NBEA: variants seen among roughly 807,000 people sequenced by gnomAD.
NBEA encodes the protein neurobeachin.
A neutral mutation model predicts 343.4 loss-of-function variants in NBEA; 44 were observed. That is an observed-to-expected ratio of 0.13 (90% CI 0.10 to 0.16). The LOEUF is 0.16. NBEA is among the 10% of genes least tolerant of loss of function. The probability of loss-of-function intolerance (pLI) is 1.00; values close to 1 mark genes in which losing one functional copy is unlikely to be tolerated. For missense variants in NBEA, 2,555 were observed against 3,631.3 expected (o/e 0.70, Z 7.62); for synonymous variants, 1,175 against 1,238.7 (o/e 0.95, Z 1.08).
intron 35 of NBEA, among the ~76,000 whole-genome samples, chr13:35,291,639 T>C (rs2035807109): frequency 6.6e-6 from 1 of 151,936 alleles, no homozygotes. Context: ...AAAATGCGTT[T>C]ATGGAAAAAT....
At chr13:35,376,298 G>A (rs1462527036) in intron 38 of NBEA, among the ~76,000 whole-genome samples, 1 of 152,042 alleles carries the variant, frequency 6.6e-6, no homozygotes, top group Non-Finnish European at 1.5e-5. Context: ...ATTCTGGAGT[G>A]AAAGCCTTCA....
chr13:35,599,172 G>A (rs1395853468), intron 47 of NBEA, among the ~76,000 whole-genome samples: 1 of 152,016 alleles, frequency 6.6e-6, no homozygotes. Flanking sequence ...ACCCCACCAG[G>A]CTCCTCACCA....
chr13:35,290,290 A>G, intron 34 of NBEA, 99 bp from the exon 35 acceptor site: 2 of 743,432 alleles, frequency 2.7e-6, no homozygotes, highest in South Asian at 3.5e-5. Flanking sequence ...TATTTAAAAG[A>G]AAGTTTTTTT....
chr13:35,445,591 A>C (rs923129230), intron 39 of NBEA, among the ~76,000 whole-genome samples: 2 of 151,698 alleles, frequency 1.3e-5, no homozygotes, highest in African/African-American at 4.8e-5. Context: ...AGTACATGAA[A>C]AGTAACTTAA....
At chr13:35,541,123 A>AATTTT (rs1421677772) in intron 41 of NBEA, among the ~76,000 whole-genome samples, 1 of 151,756 alleles carries the variant, frequency 6.6e-6, no homozygotes, top group Non-Finnish European at 1.5e-5. Context: ...TTGTTGTTCT[A>AATTTT]ATTTTATTTT....
In NBEA at chr13:35,355,487, C is replaced by T. The variant is rs1003890406; in HGVS notation, c.6179+3164C>T. 2.0e-4 allele frequency among the ~76,000 whole-genome samples: 30 copies of T among 152,240 alleles called. 1 individual carries two copies. Among genetic ancestry groups the T allele is most frequent in the African/African-American group, 6.5e-4 (27 of 41,568 alleles). ...TTGCACTAGCCAAATTTCAAGTACTCGGTAGCCACATGTGGCTGGTGGCTA... is the reference window on the plus strand; with the variant it reads ...TTGCACTAGCCAAATTTCAAGTACTTGGTAGCCACATGTGGCTGGTGGCTA... On this transcript the variant is annotated intron_variant, in intron 38 of 58. Transcript: ENST00000379939.
intron 23 of NBEA, among the ~76,000 whole-genome samples, chr13:35,163,391 C>T (rs907556004): frequency 6.6e-6 from 1 of 151,888 alleles, no homozygotes; most frequent in African/African-American, 2.4e-5. Flanking sequence ...TGGTGGCTCA[C>T]ACCTATAATC....
chr13:35,446,429 A>C (rs1354319264), intron 39 of NBEA, among the ~76,000 whole-genome samples: 3 of 152,190 alleles, frequency 2.0e-5, no homozygotes, highest in African/African-American at 7.2e-5. Context: ...TTACAGTCCC[A>C]CCAACAGTGT....
At position 35,211,183 on chromosome 13, in the gene NBEA, T is replaced by A; in HGVS notation, c.5648+4T>A. ...AAGATTCAGCTGAAAATATGAGGTA[T>A]GCATGACTACTTTTTATTCATTTTA... On this transcript the variant is annotated splice_donor_region_variant and intron_variant, in intron 33 of 58. Transcript: ENST00000379939. 1 of 1,548,358 alleles carries A rather than the reference T, an allele frequency of 6.5e-7. No homozygotes were observed. Among genetic ancestry groups the A allele is most frequent in the Non-Finnish European group, 8.7e-7 (1 of 1,145,780 alleles).
intron 27 of NBEA, among the ~76,000 whole-genome samples, chr13:35,175,769 G>C (rs768304085): frequency 6.6e-5 from 10 of 151,950 alleles, no homozygotes; most frequent in Non-Finnish European, 1.2e-4. Context: ...GACATTTTAG[G>C]AAGTAAATCG....
intron 41 of NBEA, among the ~76,000 whole-genome samples, chr13:35,516,118 T>A (rs2077477144): frequency 6.6e-6 from 1 of 152,148 alleles, no homozygotes; most frequent in Admixed American, 6.5e-5. Context: ...AGTAGAAAAA[T>A]AAAATGATCA....
chr13:34,961,141 G>A (rs1376062995), intron 1 of NBEA, among the ~76,000 whole-genome samples: 1 of 152,036 alleles, frequency 6.6e-6, no homozygotes, highest in Non-Finnish European at 1.5e-5. Context: ...TTTATTATCT[G>A]TGTATGTAAA....
At chr13:35,601,761 C>CAAAAAAAAAAAAAAAAAAA (rs869213180) in intron 47 of NBEA, among the ~76,000 whole-genome samples, 2 of 114,932 alleles carry the variant, frequency 1.7e-5, no homozygotes, top group African/African-American at 7.3e-5. Flanking sequence ...GACTCCATCG[C>CAAAAAAAAAAAAAAAAAAA]AAAAAAAAAA....
intron 4 of NBEA, among the ~76,000 whole-genome samples, chr13:35,046,441 T>G (rs1408570083): frequency 6.6e-6 from 1 of 152,122 alleles, no homozygotes; most frequent in Admixed American, 6.6e-5. Context: ...ACATTTTCAG[T>G]CTTTTAAATT....
At chr13:35,342,116 A>G (rs560754014) in intron 36 of NBEA, among the ~76,000 whole-genome samples, 1 of 152,226 alleles carries the variant, frequency 6.6e-6, no homozygotes, top group African/African-American at 2.4e-5. Context: ...CACATATTGT[A>G]TGATTCCATT....
chr13:35,546,330 T>C (rs1394233522), intron 41 of NBEA, among the ~76,000 whole-genome samples: 1 of 151,988 alleles, frequency 6.6e-6, no homozygotes, highest in Non-Finnish European at 1.5e-5. Flanking sequence ...CTGGTTTTGG[T>C]GGCACACGCC....
chr13:35,312,046 C>T (rs988287879), intron 36 of NBEA, among the ~76,000 whole-genome samples: 1 of 152,116 alleles, frequency 6.6e-6, no homozygotes. Flanking sequence ...ATGAGTGCAG[C>T]AAATGTCTGT....
intron 38 of NBEA, among the ~76,000 whole-genome samples, chr13:35,362,172 A>G (rs1162659038): frequency 2.0e-5 from 3 of 152,104 alleles, no homozygotes; most frequent in Non-Finnish European, 2.9e-5. Flanking sequence ...ATTTCCATCA[A>G]ATATTATTTA....
At chr13:35,266,483 T>C (rs747862556) in intron 34 of NBEA, among the ~76,000 whole-genome samples, 2 of 151,866 alleles carry the variant, frequency 1.3e-5, no homozygotes, top group Non-Finnish European at 2.9e-5. Context: ...ACGCTATATA[T>C]ACACAGTGGA....
Sources: gnomAD v4.1 joint callset for allele counts (sites outside exome capture counted in the v4.1 genomes callset) on GRCh38, gnomAD v4.1.1 for gene constraint, MANE v1.5 for transcripts, NCBI Gene and HGNC (gene_info 2026-07-23, HGNC 2026-07-21) for gene names.